The following AXDND1 variants were observed in gnomAD, a reference collection of about 807,000 sequenced individuals.
The protein encoded by AXDND1 is axonemal dynein light chain domain containing 1.
In AXDND1, 110 loss-of-function variants were observed where a neutral mutation model predicts 137.5. That is an observed-to-expected ratio of 0.80 (90% CI 0.69 to 0.94). The LOEUF is 0.94. Among genes scored for constraint, AXDND1 ranks in the 40% least tolerant of loss-of-function variants. The pLI is 0.00. For synonymous variants in AXDND1, 414 were observed against 399.7 expected (o/e 1.04, Z -0.43); for missense variants, 1,191 against 1,169.8 (o/e 1.02, Z -0.26).
rs983249934 is a variant in AXDND1, at chr1:179,430,734, A to G, written c.1487+128A>G. On this transcript the variant is annotated intron_variant, in intron 14 of 25. Transcript: ENST00000367618. ...ACATTGATTTTGGGGAGCAGTCCCT[A>G]TGAAGGCACAATCCTGCTAACAACC... 7 of 954,198 alleles carry G rather than the reference A, an allele frequency of 7.3e-6. No homozygotes were observed. In the African/African-American group the frequency reaches 9.9e-5, roughly 14 times the overall value. 59.1% of individuals were successfully genotyped at this position (954,198 alleles called of 1,614,324 possible).
intron 10 of AXDND1, 108 bp downstream of exon 10, chr1:179,394,151 T>G: frequency 8.7e-7 from 1 of 1,151,836 alleles, no homozygotes. Flanking sequence ...AAGGTTCTTC[T>G]GTTTCCTTTT....
intron 17 of AXDND1, among the ~76,000 whole-genome samples, chr1:179,482,889 G>A (rs192038256): frequency 1.4e-3 from 214 of 151,174 alleles, no homozygotes; most frequent in African/African-American, 5.0e-3. Flanking sequence ...TTGAACGTAA[G>A]ATCTGCTTTG....
chr1:179,447,833 C>G, intron 16 of AXDND1: 1 of 1,301,494 alleles, frequency 7.7e-7, no homozygotes, highest in South Asian at 1.2e-5. Flanking sequence ...TCTGTAGTGC[C>G]CAACATCCCA....
chr1:179,396,512 G>A (rs961736021), intron 11 of AXDND1, among the ~76,000 whole-genome samples: 4 of 151,914 alleles, frequency 2.6e-5, no homozygotes, highest in African/African-American at 9.7e-5. Context: ...AGCTGACATG[G>A]TGGCACGTAC....
chr1:179,493,887 TC>T (rs765345093), intron 20 of AXDND1, among the ~76,000 whole-genome samples: 1 of 152,216 alleles, frequency 6.6e-6, no homozygotes, highest in Non-Finnish European at 1.5e-5. Context: ...ATTTTTACAC[TC>T]TTGCCAGCAG....
intron 21 of AXDND1, among the ~76,000 whole-genome samples, chr1:179,518,000 G>C (rs915297159): frequency 6.6e-6 from 1 of 152,154 alleles, no homozygotes; most frequent in African/African-American, 2.4e-5. Context: ...TTTATCTGAT[G>C]ATGAGTCTTA....
intron 11 of AXDND1, among the ~76,000 whole-genome samples, chr1:179,405,390 A>G (rs1465661284): frequency 6.6e-6 from 1 of 152,212 alleles, no homozygotes; most frequent in Non-Finnish European, 1.5e-5. Context: ...ATACGTGTGC[A>G]TGTGTTTTCA....
intron 16 of AXDND1, chr1:179,455,187 A>T (rs1192402955): frequency 1.3e-5 from 2 of 151,066 alleles, no homozygotes; most frequent in Non-Finnish European, 2.9e-5. Context: ...AGGCGGGAGA[A>T]TCGCTTGAAC....
chr1:179,503,699 C>T (rs1306419851), intron 20 of AXDND1, among the ~76,000 whole-genome samples: 1 of 151,976 alleles, frequency 6.6e-6, no homozygotes, highest in African/African-American at 2.4e-5. Context: ...TGCCATCCCT[C>T]CCCCCTGCCC....
chr1:179,430,290 C>T (rs970229487), intron 13 of AXDND1, among the ~76,000 whole-genome samples, 162 bp from the exon 14 acceptor site: 1 of 152,070 alleles, frequency 6.6e-6, no homozygotes. Flanking sequence ...ATGGAAAATT[C>T]ATCACCAAAT....
chr1:179,541,035 C>T (rs1201611180), intron 25 of AXDND1, among the ~76,000 whole-genome samples: 1 of 152,190 alleles, frequency 6.6e-6, no homozygotes, highest in Admixed American at 6.5e-5. Context: ...CGACCAAGCT[C>T]CAGCATCCCA....
rs147145791 is a variant in AXDND1, at chr1:179,417,188, C to A, written c.1230+5922C>A. On this transcript the variant is annotated intron_variant, in intron 12 of 25. Coordinates refer to ENST00000367618, the MANE Select transcript of AXDND1 (RefSeq NM_144696.6). ...TGCCCATTTTAAAATCAGACTATCT[C>A]CTCTTTTTTTTTTTTTGCTATTGAG... Among the ~76,000 whole-genome samples the A allele has an allele frequency of 5.5e-3, 661 of 120,040 alleles. 2 individuals carry two copies. Among genetic ancestry groups the A allele is most frequent in the African/African-American group, 0.015 (474 of 32,526 alleles). The allele number at this position is 120,040 out of a possible 152,430, so 78.8% of individuals were successfully genotyped here. A position where few individuals can be genotyped will look rare whatever the true frequency, so the allele number is the denominator to read the frequency against.
intron 16 of AXDND1, chr1:179,450,811 C>G (rs1428861585): frequency 6.6e-6 from 1 of 152,276 alleles, no homozygotes; most frequent in African/African-American, 2.4e-5. Flanking sequence ...AGCTACATAG[C>G]TACTCAGAAG....
In AXDND1 at chr1:179,528,307, C is replaced by A; in HGVS notation, c.2611-20C>A. ...TGCTACACCAGCTTGCTAACAGGTC[C>A]GCATGTTTCTGTGTTCTAGCAACCT... On this transcript the variant is annotated intron_variant, in intron 22 of 25. Transcript: ENST00000367618. 2 of 1,579,148 alleles carry A rather than the reference C, an allele frequency of 1.3e-6. No individual in the cohort carries two copies. The highest frequency in any genetic ancestry group is 1.7e-6 in the Non-Finnish European group (2 of 1,149,356).
At chr1:179,411,581 T>C (rs895339020) in intron 12 of AXDND1, among the ~76,000 whole-genome samples, 1 of 152,224 alleles carries the variant, frequency 6.6e-6, no homozygotes, top group African/African-American at 2.4e-5. Flanking sequence ...ATGTATAATG[T>C]AACTTTTGTG....
chr1:179,430,750 G>A, intron 14 of AXDND1, 144 bp downstream of exon 14: 5 of 822,476 alleles, frequency 6.1e-6, no homozygotes, highest in East Asian at 2.6e-5. Flanking sequence ...GCACAATCCT[G>A]CTAACAACCT....
At chr1:179,456,935 A>G (rs1451342085) in intron 16 of AXDND1, 22 of 1,405,454 alleles carry the variant, frequency 1.6e-5, no homozygotes, top group South Asian at 3.5e-5. Flanking sequence ...CATGATTTCA[A>G]TCACTTCATT....
At chr1:179,378,997 T>C (rs1231350385) in intron 5 of AXDND1, among the ~76,000 whole-genome samples, 1 of 152,210 alleles carries the variant, frequency 6.6e-6, no homozygotes, top group East Asian at 1.9e-4. Flanking sequence ...TAATCTGTTT[T>C]AATCTAAAAA....
At chr1:179,382,448 C>T (rs530383389) in intron 6 of AXDND1, among the ~76,000 whole-genome samples, 1 of 152,284 alleles carries the variant, frequency 6.6e-6, no homozygotes, top group African/African-American at 2.4e-5. Flanking sequence ...TGAGCTTTCT[C>T]TTGTGTTCTT....
Sources: allele counts gnomAD v4.1 joint callset (sites outside exome capture counted in the v4.1 genomes callset), GRCh38; gene constraint gnomAD v4.1.1; transcripts MANE v1.5; gene names NCBI Gene and HGNC (gene_info 2026-07-23, HGNC 2026-07-21).